The following ALDH5A1 variants were observed in gnomAD, a reference collection of about 807,000 sequenced individuals.
ALDH5A1 encodes the protein succinate-semialdehyde dehydrogenase, mitochondrial.
In ALDH5A1, 33 loss-of-function variants were observed where a neutral mutation model predicts 54.7. That is an observed-to-expected ratio of 0.60 (90% CI 0.46 to 0.81). The LOEUF (loss-of-function observed/expected upper bound fraction) is 0.81, where lower values mean the gene tolerates loss of function less well. Ranked by LOEUF, ALDH5A1 falls within the 30% of genes least tolerant of loss-of-function variation. ALDH5A1 has a pLI of 0.00. For synonymous variants in ALDH5A1, 294 were observed against 292.7 expected, an observed-to-expected ratio of 1.00 and a Z score of -0.05; for missense variants, 657 against 711.0, an observed-to-expected ratio of 0.92 and a Z score of 0.86.
chr6:24,505,944 G>T (rs1759333132), intron 4 of ALDH5A1, among the ~76,000 whole-genome samples: 1 of 151,604 alleles, frequency 6.6e-6, no homozygotes, highest in African/African-American at 2.4e-5. Context: ...CTCCAGCCTG[G>T]GCAACAGAGT....
intron 7 of ALDH5A1, among the ~76,000 whole-genome samples, chr6:24,526,561 T>C (rs1480997261): frequency 6.6e-6 from 1 of 151,854 alleles, no homozygotes; most frequent in Non-Finnish European, 1.5e-5. Context: ...AAGTAGATGA[T>C]AAAATTTCGG....
intron 4 of ALDH5A1, chr6:24,511,754 T>A (rs377292587): frequency 2.5e-6 from 1 of 402,064 alleles, no homozygotes. Context: ...TTTTGTGACT[T>A]CCTTAAATTG....
At chr6:24,514,257 G>T (rs1471666429) in intron 4 of ALDH5A1, among the ~76,000 whole-genome samples, 1 of 152,164 alleles carries the variant, frequency 6.6e-6, no homozygotes, top group East Asian at 1.9e-4. Flanking sequence ...ATCACCTATG[G>T]AAAGGCTTTG....
At chr6:24,502,963 T>C (rs1392248264) in intron 2 of ALDH5A1, among the ~76,000 whole-genome samples, 2 of 152,104 alleles carry the variant, frequency 1.3e-5, no homozygotes, top group African/African-American at 4.8e-5. Flanking sequence ...TCCATAGATA[T>C]AATAAATTAT....
chr6:24,499,931 T>G (rs1764788488), intron 1 of ALDH5A1, among the ~76,000 whole-genome samples: 1 of 152,112 alleles, frequency 6.6e-6, no homozygotes, highest in Non-Finnish European at 1.5e-5. Context: ...AGTGCTGGGA[T>G]TACAGGCACG....
intron 1 of ALDH5A1, among the ~76,000 whole-genome samples, 170 bp downstream of exon 1, chr6:24,495,520 T>C (rs1442231762): frequency 6.6e-6 from 1 of 152,142 alleles, no homozygotes; most frequent in East Asian, 1.9e-4. Context: ...GACAAATAAG[T>C]TTGGAGCTTC....
intron 7 of ALDH5A1, among the ~76,000 whole-genome samples, chr6:24,524,825 G>A (rs1263726466): frequency 1.3e-5 from 2 of 152,074 alleles, no homozygotes; most frequent in Non-Finnish European, 2.9e-5. Flanking sequence ...TGCCTTTATC[G>A]ACTACAGTTG....
At chr6:24,505,929 C>T (rs1289747277) in intron 4 of ALDH5A1, among the ~76,000 whole-genome samples, 2 of 138,584 alleles carry the variant, frequency 1.4e-5, no homozygotes, top group Non-Finnish European at 3.2e-5. Flanking sequence ...GATGGTGTCA[C>T]TGAACTCCAG....
chr6:24,511,908 GT>G, intron 4 of ALDH5A1: 1 of 582,908 alleles, frequency 1.7e-6, no homozygotes, highest in Admixed American at 2.5e-5. Flanking sequence ...AAAGAATCTT[GT>G]TTTTTCATAT....
In ALDH5A1 at chr6:24,535,524, A is replaced by C. The variant is rs1760028486; in HGVS notation, c.*1812A>C. On this transcript the variant is annotated 3_prime_UTR_variant, in exon 10 of 10. Transcript: ENST00000357578. ...TCCATCCTTTTTCTATTAAGAATAC[A>C]AATGCTGGGCTGGGCACAGTGGCTC... The C allele has an allele frequency of 6.6e-6, 1 of 152,250 alleles. No individual in the cohort carries two copies. Among genetic ancestry groups the C allele is most frequent in the Non-Finnish European group, 1.5e-5 (1 of 68,042 alleles). The allele number at this position is 152,250 out of a possible 1,614,324, so 9.4% of individuals were successfully genotyped here. A position where few individuals can be genotyped will look rare whatever the true frequency, so the allele number is the denominator to read the frequency against.
chr6:24,505,441 C>G (rs1194100807), intron 4 of ALDH5A1, among the ~76,000 whole-genome samples: 1 of 152,170 alleles, frequency 6.6e-6, no homozygotes, highest in African/African-American at 2.4e-5. Flanking sequence ...CCCACCCCCC[C>G]AGTATGTCTC....
chr6:24,515,102 C>CTTTTTTTTTTTTTT, intron 4 of ALDH5A1, 65 bp from the exon 5 acceptor site: 25 of 927,248 alleles, frequency 2.7e-5, no homozygotes, highest in East Asian at 7.0e-5. Flanking sequence ...TTTCTCTTTT[C>CTTTTTTTTTTTTTT]TTTTTTTTTT....
intron 1 of ALDH5A1, among the ~76,000 whole-genome samples, chr6:24,501,493 G>C (rs1561868756): frequency 6.6e-6 from 1 of 152,186 alleles, no homozygotes; most frequent in Non-Finnish European, 1.5e-5. Context: ...CAGTCTCGTG[G>C]ATGGAAATGT....
At chr6:24,501,925 A>G (rs1274287504) in intron 1 of ALDH5A1, among the ~76,000 whole-genome samples, 3 of 145,568 alleles carry the variant, frequency 2.1e-5, no homozygotes, top group Non-Finnish European at 3.0e-5. Flanking sequence ...GTGTATATAT[A>G]TATGTGTGTG....
chr6:24,537,162 T>C lies in ALDH5A1; in HGVS notation c.*3450T>C, dbSNP rs927275235. On this transcript the variant is annotated 3_prime_UTR_variant, in exon 10 of 10. Coordinates refer to ENST00000357578, the MANE Select transcript of ALDH5A1 (RefSeq NM_001080.3). ...TTTTAGTGTCTAGTCTGCAGAGAGC[T>C]GTGTGATTAATAAACGTGGAATTAA... 1 of 152,582 alleles carries C rather than the reference T, an allele frequency of 6.6e-6. No homozygotes were observed. Among genetic ancestry groups the C allele is most frequent in the Admixed American group, 6.5e-5 (1 of 15,280 alleles). The allele number at this position is 152,582 out of a possible 1,614,324, so 9.5% of individuals were successfully genotyped here.
Position 24,501,982 on chromosome 6 carries a change from T to C in ALDH5A1, c.355-541T>C, listed in dbSNP as rs560278869. On this transcript the variant is annotated intron_variant, in intron 1 of 9. Coordinates refer to ENST00000357578, the MANE Select transcript of ALDH5A1 (RefSeq NM_001080.3). ...GTGTGTATATATATAATCATAGATATGTAGGAATATAGGAAGAGACTTCTT... is the reference window on the plus strand; with the variant it reads ...GTGTGTATATATATAATCATAGATACGTAGGAATATAGGAAGAGACTTCTT... Among the ~76,000 whole-genome samples the C allele has an allele frequency of 4.6e-5, 7 of 151,946 alleles. No individual in the cohort carries two copies. In the South Asian group the frequency reaches 1.2e-3, roughly 27 times the overall value.
intron 8 of ALDH5A1, among the ~76,000 whole-genome samples, chr6:24,529,215 G>A (rs553568536): frequency 6.6e-6 from 1 of 151,976 alleles, no homozygotes; most frequent in African/African-American, 2.4e-5. Flanking sequence ...CATCCAGGCT[G>A]GAGTGCAGTG....
At chr6:24,530,960 G>A (rs946163572) in intron 8 of ALDH5A1, among the ~76,000 whole-genome samples, 2 of 152,224 alleles carry the variant, frequency 1.3e-5, no homozygotes, top group African/African-American at 4.8e-5. Context: ...CTCACGTGAG[G>A]CCATCATTCT....
chr6:24,530,853 T>C (rs1759924588), intron 8 of ALDH5A1, among the ~76,000 whole-genome samples: 1 of 152,170 alleles, frequency 6.6e-6, no homozygotes, highest in South Asian at 2.1e-4. Flanking sequence ...GGACCCAGGT[T>C]TGTAGGCAGG....
Sources: gnomAD v4.1 joint callset for allele counts (sites outside exome capture counted in the v4.1 genomes callset) on GRCh38, gnomAD v4.1.1 for gene constraint, MANE v1.5 for transcripts, NCBI Gene and HGNC (gene_info 2026-07-23, HGNC 2026-07-21) for gene names.